Variants in DNAH9 observed in about 807,000 individuals in gnomAD.
DNAH9 encodes DNAH9 variant protein.
In DNAH9, 345 loss-of-function variants were observed where a neutral mutation model predicts 471.6. That is an observed-to-expected ratio of 0.73 (90% CI 0.67 to 0.80). The LOEUF (loss-of-function observed/expected upper bound fraction) is 0.80. Ranked by LOEUF, DNAH9 falls within the 30% of genes least tolerant of loss-of-function variation. DNAH9 has a pLI of 0.00. For missense variants in DNAH9, 5,407 were observed against 5,609.2 expected (o/e 0.96, Z 1.15); for synonymous variants, 2,093 against 2,123.6 (o/e 0.99, Z 0.40).
chr17:11,795,092 A>G lies in DNAH9; in HGVS notation c.8223+1428A>G, dbSNP rs116983796. On this transcript the variant is annotated intron_variant, in intron 42 of 68. Coordinates refer to ENST00000262442, the MANE Select transcript of DNAH9 (RefSeq NM_001372.4). ...GTATAATAAAAAAATACATATATAT[A>G]TATAAGACATTAAAGTTCTGAAATC... Among the ~76,000 whole-genome samples, 25 of 152,218 alleles carry G rather than the reference A, an allele frequency of 1.6e-4. No individual in the cohort carries two copies. The East Asian group carries it at 4.4e-3, about 27-fold the overall frequency.
At position 11,744,985 on chromosome 17, in the gene DNAH9, C is replaced by T; in HGVS notation, c.6300C>T (p.Ala2100=). 3 of 1,614,070 alleles carry T rather than the reference C, an allele frequency of 1.9e-6. No homozygotes were observed. The highest frequency in any genetic ancestry group is 1.1e-5 in the South Asian group (1 of 91,086). The change falls in exon 31 of 69, where the codon GCC becomes GCT. Residue 2100 remains alanine, a synonymous_variant. Coordinates refer to ENST00000262442, the MANE Select transcript of DNAH9 (RefSeq NM_001372.4). Reference sequence around the variant, plus strand: ...GCCTGATCGGGGACCTCTTTCCCGCCCTGGATGTCCCCCGGAGGAGAGACC... The same window carrying T: ...GCCTGATCGGGGACCTCTTTCCCGCTCTGGATGTCCCCCGGAGGAGAGACC... ...FMGLIGDLFP[A]LDVPRRRDPN...
chr17:11,693,938 A>G lies in DNAH9; in HGVS notation c.4685A>G (p.Asn1562Ser), dbSNP rs2074382922. Reference protein sequence around the residue: ...ELAYDAQKIPNVVQTTNKPGL... With the variant: ...ELAYDAQKIPSVVQTTNKPGL... ...GCTTATGATGCCCAGAAAATTCCAA[A>G]TGTAGTGCAAACCACCAACAAGCCA... Residue 1562 changes from asparagine (N) to serine (S), a missense_variant, in exon 21 of 69, where the codon AAT becomes AGT. Coordinates refer to ENST00000262442, the MANE Select transcript of DNAH9 (RefSeq NM_001372.4). 1 of 1,614,154 alleles carries G rather than the reference A, an allele frequency of 6.2e-7. No homozygotes were observed. The highest frequency in any genetic ancestry group is 1.3e-5 in the African/African-American group (1 of 75,050).
At chr17:11,687,313 G>A (rs1400090636) in intron 19 of DNAH9, among the ~76,000 whole-genome samples, 5 of 152,114 alleles carry the variant, frequency 3.3e-5, no homozygotes, top group African/African-American at 9.7e-5. Context: ...AACGAGCGTC[G>A]AAGTTAATCT....
chr17:11,887,479 G>GT (rs1183506960), intron 57 of DNAH9, among the ~76,000 whole-genome samples: 4 of 152,114 alleles, frequency 2.6e-5, no homozygotes, highest in African/African-American at 9.7e-5. Flanking sequence ...TTAGCAAATT[G>GT]TAAGTGCTGA....
At chr17:11,676,800 T>C (rs944950955) in intron 17 of DNAH9, among the ~76,000 whole-genome samples, 1 of 152,184 alleles carries the variant, frequency 6.6e-6, no homozygotes, top group African/African-American at 2.4e-5. Flanking sequence ...CATGCTAACA[T>C]TGAAAGTTAT....
At chr17:11,876,934 G>A (rs1312491329) in intron 53 of DNAH9, among the ~76,000 whole-genome samples, 3 of 151,622 alleles carry the variant, frequency 2.0e-5, no homozygotes, top group Admixed American at 6.6e-5. Context: ...CACTATGTTG[G>A]CCAGGCTGGT....
intron 23 of DNAH9, 33 bp from the exon 24 acceptor site, chr17:11,701,089 G>A: frequency 6.2e-7 from 1 of 1,613,116 alleles, no homozygotes; most frequent in Non-Finnish European, 8.5e-7. Context: ...AACTTCTCAG[G>A]CACCCAGTGT....
At position 11,720,816 on chromosome 17, in the gene DNAH9, C is replaced by T. The variant is rs28488652; in HGVS notation, c.5709+1326C>T. On this transcript the variant is annotated intron_variant, in intron 27 of 68. Coordinates refer to ENST00000262442, the MANE Select transcript of DNAH9 (RefSeq NM_001372.4). Reference sequence around the variant, plus strand: ...CTAGACCCAAAAAACTTGTCTTCCACGTGGTCTTCATCCCCTAAATTTTAG... The same window carrying T: ...CTAGACCCAAAAAACTTGTCTTCCATGTGGTCTTCATCCCCTAAATTTTAG... Among the ~76,000 whole-genome samples the T allele has an allele frequency of 7.0e-3, 1,066 of 152,252 alleles. 11 individuals carry two copies. The highest frequency in any genetic ancestry group is 0.024 in the African/African-American group (978 of 41,546).
rs1007054309 is a variant in DNAH9 at position 11,962,413 on chromosome 17, G to C, written c.13233+157G>C. ...CATCAGGCCATTTTTATTTAGCCAG[G>C]GGTGGTGCAAAGAGCGTAAGTTTTG... On this transcript the variant is annotated intron_variant, in intron 68 of 68. Coordinates refer to ENST00000262442, the MANE Select transcript of DNAH9 (RefSeq NM_001372.4). The surrounding 1 kb of genome is among the most constrained non-coding windows in gnomAD (Gnocchi z 4.1). Among the ~76,000 whole-genome samples the C allele has an allele frequency of 9.8e-5, 15 of 152,288 alleles. No homozygotes were observed. Among genetic ancestry groups the C allele is most frequent in the Middle Eastern group, 3.4e-3 (1 of 294 alleles).
intron 61 of DNAH9, among the ~76,000 whole-genome samples, chr17:11,918,828 A>C (rs1974040789): frequency 6.6e-6 from 1 of 152,088 alleles, no homozygotes; most frequent in Non-Finnish European, 1.5e-5. Flanking sequence ...TCTACTAAAA[A>C]TACAAAAATT....
intron 27 of DNAH9, among the ~76,000 whole-genome samples, chr17:11,725,974 A>G (rs1220088562): frequency 6.6e-6 from 1 of 152,216 alleles, no homozygotes; most frequent in East Asian, 1.9e-4. Context: ...TCTCTGCTGC[A>G]AACCTCCAAA....
intron 33 of DNAH9, among the ~76,000 whole-genome samples, chr17:11,753,621 G>T (rs571888264): frequency 6.6e-6 from 1 of 152,170 alleles, no homozygotes; most frequent in Non-Finnish European, 1.5e-5. Context: ...AGCCGAGATC[G>T]CGCCATTGCA....
intron 44 of DNAH9, among the ~76,000 whole-genome samples, chr17:11,809,491 C>T (rs1445547072): frequency 9.2e-5 from 14 of 152,160 alleles, no homozygotes; most frequent in East Asian, 7.7e-4. Context: ...CCCTTGAACC[C>T]GAGAGGCGGA....
intron 49 of DNAH9, among the ~76,000 whole-genome samples, chr17:11,837,865 A>G (rs373425476): frequency 6.6e-6 from 1 of 152,204 alleles, no homozygotes; most frequent in East Asian, 1.9e-4. Flanking sequence ...TTCCAAGCAC[A>G]GTCTCACCCC....
At chr17:11,772,723 C>T (rs774496614) in intron 38 of DNAH9, among the ~76,000 whole-genome samples, 7 of 152,172 alleles carry the variant, frequency 4.6e-5, no homozygotes, top group Non-Finnish European at 1.0e-4. Context: ...CTCTTGGTAA[C>T]GTTAGATCTT....
chr17:11,831,336 G>A (rs1225577148), intron 48 of DNAH9, among the ~76,000 whole-genome samples: 2 of 152,066 alleles, frequency 1.3e-5, no homozygotes, highest in Non-Finnish European at 2.9e-5. Flanking sequence ...AAGAGAGGAG[G>A]CAAGAGAGAG....
rs750452487 is a variant in DNAH9 at position 11,757,632 on chromosome 17, C to A, written c.6935C>A (p.Ala2312Asp). Residue 2312 changes from alanine (A) to aspartate (D), a missense_variant, in exon 35 of 69, where the codon GCC becomes GAC. Ala to Asp is a moderately radical substitution (Grantham distance 126, BLOSUM62 -2). Coordinates refer to ENST00000262442, the MANE Select transcript of DNAH9 (RefSeq NM_001372.4). ...IEKREIQTER[A>D]NLTILFDKYL... ...AAGAGGGAAATCCAGACAGAGAGAG[C>A]CAACTTAACCATTTTGTTCGACAAG... 4.3e-6 allele frequency: 7 copies of A among 1,614,064 alleles called. No homozygotes were observed. The highest frequency in any genetic ancestry group is 3.3e-5 in the South Asian group (3 of 91,080).
intron 1 of DNAH9, among the ~76,000 whole-genome samples, chr17:11,600,265 A>C (rs971269836): frequency 2.0e-5 from 3 of 152,202 alleles, no homozygotes; most frequent in Non-Finnish European, 4.4e-5. Flanking sequence ...TCAGAGGAGA[A>C]AGACAGGCCT....
At chr17:11,772,236 A>AATAAT (rs1968237083) in intron 38 of DNAH9, among the ~76,000 whole-genome samples, 3 of 143,310 alleles carry the variant, frequency 2.1e-5, no homozygotes, top group African/African-American at 8.5e-5. Flanking sequence ...ATAATAATTT[A>AATAAT]TTCTAAAATT....
Sources: gnomAD v4.1 joint callset for allele counts (sites outside exome capture counted in the v4.1 genomes callset) on GRCh38, gnomAD v4.1.1 for gene constraint, Gnocchi (gnomAD v3.1) non-coding constraint, MANE v1.5 for transcripts, NCBI Gene and HGNC (gene_info 2026-07-23, HGNC 2026-07-21) for gene names.